The following CYP2F1 variants were observed in gnomAD, a reference collection of about 807,000 sequenced individuals.
CYP2F1 encodes the protein cytochrome P450 2F1.
CYP2F1 carries 33 observed loss-of-function variants against 40.4 expected under a neutral mutation model. That is an observed-to-expected ratio of 0.82 (90% CI 0.62 to 1.09). The LOEUF (loss-of-function observed/expected upper bound fraction) is 1.09. Among genes scored for constraint, CYP2F1 ranks in the 50% least tolerant of loss-of-function variants. The pLI is 0.00. For synonymous variants in CYP2F1, 235 were observed against 277.2 expected (o/e 0.85, Z 1.51); for missense variants, 566 against 655.7 (o/e 0.86, Z 1.49).
At chr19:41,117,940 C>T (rs1031601382) in intron 3 of CYP2F1, among the ~76,000 whole-genome samples, 1 of 152,078 alleles carries the variant, frequency 6.6e-6, no homozygotes, top group African/African-American at 2.4e-5. Context: ...ATCTCCGCCT[C>T]CCAGGTTGAT....
At chr19:41,123,660 C>T (rs1490996806) in intron 7 of CYP2F1, among the ~76,000 whole-genome samples, 2 of 152,078 alleles carry the variant, frequency 1.3e-5, no homozygotes, top group African/African-American at 2.4e-5. Context: ...GGAGTACAGG[C>T]GTGCACCACC....
intron 9 of CYP2F1, among the ~76,000 whole-genome samples, chr19:41,127,616 A>T (rs1403383449): frequency 6.6e-6 from 1 of 152,140 alleles, no homozygotes; most frequent in East Asian, 1.9e-4. Flanking sequence ...TTACAGGCCT[A>T]AGCCAGCACG....
In CYP2F1 at chr19:41,127,973, G is replaced by A. The variant is rs781552809; in HGVS notation, c.1367G>A (p.Ser456Asn). Residue 456 changes from serine (S) to asparagine (N), a missense_variant, in exon 10 of 10, where the codon AGC becomes AAC. By Grantham distance (46) the Ser-to-Asn change is conservative. Coordinates refer to ENST00000331105, the MANE Select transcript of CYP2F1 (RefSeq NM_000774.5). ...LFLYLTAILQ[S>N]FSLQPLGAPE... ...CTGTACCTCACCGCCATCCTGCAGA[G>A]CTTTTCGCTGCAGCCGCTGGGTGCG... The A allele has an allele frequency of 3.1e-6, 5 of 1,613,526 alleles. No homozygotes were observed. The Admixed American group carries it at 6.7e-5, about 22-fold the overall frequency.
chr19:41,122,960 C>T lies in CYP2F1; in HGVS notation c.961C>T (p.Gln321Ter), dbSNP rs140997784. Residue 321 changes from glutamine (Q) to a stop codon, truncating the protein, a stop_gained, in exon 7 of 10, where the codon CAA becomes TAA. Transcript: ENST00000331105. LOFTEE classifies it high-confidence loss of function. ...FLALMKYPKV[Q>*]ARVQEEIDLV... is the part of the protein sequence containing the mutation. ...GGCACTCATGAAGTACCCAAAAGTTCAAGGTGAGGCCCACCCACACAGCAG... is the reference window on the plus strand; with the variant it reads ...GGCACTCATGAAGTACCCAAAAGTTTAAGGTGAGGCCCACCCACACAGCAG... The T allele has an allele frequency of 6.2e-6, 10 of 1,612,498 alleles. No individual in the cohort carries two copies. The African/African-American group carries it at 1.3e-4, about 22-fold the overall frequency.
chr19:41,122,227 T>C (rs1201295705), intron 6 of CYP2F1, 94 bp downstream of exon 6: 4 of 1,173,790 alleles, frequency 3.4e-6, no homozygotes, highest in Admixed American at 2.2e-5. Flanking sequence ...TGGGGCAGGG[T>C]TGGGGGACCT....
At chr19:41,124,694 A>G (rs1214840166) in intron 7 of CYP2F1, 25 bp from the exon 8 acceptor site, 41 of 1,592,578 alleles carry the variant, frequency 2.6e-5, no homozygotes, top group Non-Finnish European at 3.3e-5. Flanking sequence ...GATACCCTCG[A>G]CCCCGCTTCC....
Position 41,116,131 on chromosome 19 carries a change from A to T in CYP2F1, c.-11-47A>T. 3 of 1,418,502 alleles carry T rather than the reference A, an allele frequency of 2.1e-6. No homozygotes were observed. In the Admixed American group the frequency reaches 6.6e-5, roughly 31 times the overall value. 87.9% of individuals were successfully genotyped at this position (1,418,502 alleles called of 1,614,324 possible). On this transcript the variant is annotated intron_variant, in intron 1 of 9. Coordinates refer to ENST00000331105, the MANE Select transcript of CYP2F1 (RefSeq NM_000774.5). ...GTAAGTCCCAGGGGAGATGGAAAGG[A>T]GGGATCAGCGATGTCCTCTCCCACT...
rs1393802467 is a variant in CYP2F1, at chr19:41,124,713, C to T, written c.965-6C>T. On this transcript the variant is annotated splice_polypyrimidine_tract_variant and splice_region_variant and intron_variant, in intron 7 of 9. Transcript: ENST00000331105. ...CCCTCGACCCCGCTTCCCGCTTCCT[C>T]TCCAGCCCGCGTGCAGGAGGAGATC... 2 of 1,599,288 alleles carry T rather than the reference C, an allele frequency of 1.3e-6. No homozygotes were observed. Among genetic ancestry groups the T allele is most frequent in the Admixed American group, 3.3e-5 (2 of 59,760 alleles).
rs1354797677 is a variant in CYP2F1, at chr19:41,116,291, A to G, written c.103A>G (p.Arg35Gly). The G allele has an allele frequency of 1.9e-6, 3 of 1,614,016 alleles. No individual in the cohort carries two copies. The highest frequency in any genetic ancestry group is 2.5e-6 in the Non-Finnish European group (3 of 1,180,024). The change falls in exon 2 of 10, where the codon AGA becomes GGA. Residue 35 changes from arginine to glycine, a missense_variant. Around this residue, in one of 5 missense-constraint regions of CYP2F1, gnomAD observed 264 missense variants for 275.7 expected, o/e 0.96. Coordinates refer to ENST00000331105, the MANE Select transcript of CYP2F1 (RefSeq NM_000774.5). Reference sequence around the variant, plus strand: ...TAAGGGAAAGCTGCCTCCGGGACCCAGACCCCTCTCAATCCTGGGAAACCT... The same window carrying G: ...TAAGGGAAAGCTGCCTCCGGGACCCGGACCCCTCTCAATCCTGGGAAACCT... ...RDKGKLPPGP[R>G]PLSILGNLLL...
At position 41,124,245 on chromosome 19, in the gene CYP2F1, T is replaced by TTCCCC. The variant is rs374387876; in HGVS notation, c.965-474_965-473insTCCCC. ...GCTAATTCTTTTTTTTTTTTCCTCTTCCCCCCCCCCTTTTTTTTTTTTTTT... is the reference window on the plus strand; with the variant it reads ...GCTAATTCTTTTTTTTTTTTCCTCTTTCCCCCCCCCCCCCCTTTTTTTTTTTTTTT... On this transcript the variant is annotated intron_variant, in intron 7 of 9. Coordinates refer to ENST00000331105, the MANE Select transcript of CYP2F1 (RefSeq NM_000774.5). Among the ~76,000 whole-genome samples the TTCCCC allele has an allele frequency of 4.1e-3, 122 of 29,800 alleles. 5 individuals are homozygous for TTCCCC. Among genetic ancestry groups the TTCCCC allele is most frequent in the African/African-American group, 0.018 (102 of 5,716 alleles). 19.5% of individuals were successfully genotyped at this position (29,800 alleles called of 152,430 possible).
At chr19:41,120,610 T>G in intron 4 of CYP2F1, 114 bp downstream of exon 4, 1 of 1,130,490 alleles carries the variant, frequency 8.8e-7, no homozygotes, top group Non-Finnish European at 1.3e-6. Context: ...ACCTCCCGAA[T>G]AGCTGGTACT....
At chr19:41,120,584 C>A in intron 4 of CYP2F1, 88 bp downstream of exon 4, 1 of 1,421,518 alleles carries the variant, frequency 7.0e-7, no homozygotes, top group Middle Eastern at 2.0e-4. Context: ...TGGGCCCAAA[C>A]CATCCTCCCA....
chr19:41,121,691 C>T (rs902525480), intron 5 of CYP2F1, 73 bp downstream of exon 5: 8 of 1,428,504 alleles, frequency 5.6e-6, no homozygotes, highest in East Asian at 4.6e-5. Context: ...AAACAGTGGG[C>T]GGGGAAAGGG....
At chr19:41,124,557 C>T (rs1381096136) in intron 7 of CYP2F1, among the ~76,000 whole-genome samples, 162 bp from the exon 8 acceptor site, 1 of 152,184 alleles carries the variant, frequency 6.6e-6, no homozygotes, top group Admixed American at 6.5e-5. Flanking sequence ...GCCACCGCGC[C>T]CGGCCAGCTC....
In CYP2F1 at chr19:41,116,600, A is replaced by G. The variant is rs2031825964; in HGVS notation, c.317A>G (p.Asn106Ser). 1.2e-6 allele frequency: 2 copies of G among 1,613,732 alleles called. No individual in the cohort carries two copies. Among genetic ancestry groups the G allele is most frequent in the African/African-American group, 1.3e-5 (1 of 74,936 alleles). ...SGRGDYPAFFNFTKGNGIAFS... is the reference protein window; with the variant it reads ...SGRGDYPAFFSFTKGNGIAFS... The stretch of plus-strand genomic sequence containing the variant: ...CGCGGTGACTACCCTGCCTTTTTCA[A>G]CTTTACCAAGGGCAATGGTAAGCCT... The change falls in exon 3 of 10, where the codon AAC (asparagine) becomes AGC (serine). Residue 106 changes from asparagine to serine, a missense_variant. By Grantham distance (46) the Asn-to-Ser change is conservative. Around this residue, in one of 5 missense-constraint regions of CYP2F1, gnomAD observed 264 missense variants for 275.7 expected, o/e 0.96. Transcript: ENST00000331105.
At chr19:41,117,460 C>A (rs2144747196) in intron 3 of CYP2F1, among the ~76,000 whole-genome samples, 1 of 152,216 alleles carries the variant, frequency 6.6e-6, no homozygotes, top group Middle Eastern at 3.4e-3. Context: ...TACTTTCCCC[C>A]AATCCCAGCC....
rs1420501777 is a variant in CYP2F1, at chr19:41,124,706, G to C, written c.965-13G>C. 90 of 1,596,684 alleles carry C rather than the reference G, an allele frequency of 5.6e-5. No individual in the cohort carries two copies. Among genetic ancestry groups the C allele is most frequent in the Non-Finnish European group, 7.2e-5 (85 of 1,177,474 alleles). On this transcript the variant is annotated splice_polypyrimidine_tract_variant and intron_variant, in intron 7 of 9. Transcript: ENST00000331105. ...GCTGATACCCTCGACCCCGCTTCCCGCTTCCTCTCCAGCCCGCGTGCAGGA... is the reference window on the plus strand; with the variant it reads ...GCTGATACCCTCGACCCCGCTTCCCCCTTCCTCTCCAGCCCGCGTGCAGGA...
intron 7 of CYP2F1, chr19:41,123,268 A>G: frequency 2.1e-6 from 1 of 472,380 alleles, no homozygotes; most frequent in Non-Finnish European, 4.2e-6. Context: ...CGTGATCTCG[A>G]TCCGCTCACT....
intron 4 of CYP2F1, 52 bp downstream of exon 4, chr19:41,120,548 C>T: frequency 6.3e-7 from 1 of 1,579,402 alleles, no homozygotes; most frequent in Non-Finnish European, 8.6e-7. Context: ...TTTTTTTTAA[C>T]AGGCTGGATG....
Sources: gnomAD v4.1 joint callset for allele counts (sites outside exome capture counted in the v4.1 genomes callset) on GRCh38, gnomAD v4.1.1 for gene constraint, gnomAD v4.1.1 regional missense constraint, MANE v1.5 for transcripts, NCBI Gene and HGNC (gene_info 2026-07-23, HGNC 2026-07-21) for gene names.